The following PRKN variants were observed in gnomAD, a reference collection of about 807,000 sequenced individuals.
The protein encoded by PRKN is parkin RBR E3 ubiquitin protein ligase, also known as E3 ubiquitin-protein ligase parkin.
In PRKN, 56 loss-of-function variants were observed where a neutral mutation model predicts 59.5. That is an observed-to-expected ratio of 0.94 (90% CI 0.76 to 1.18). PRKN has a LOEUF of 1.18. PRKN is among the 50% of genes most tolerant of loss of function. The probability of loss-of-function intolerance (pLI) is 0.00; values close to 1 mark genes in which losing one functional copy is unlikely to be tolerated. For missense variants in PRKN, 657 were observed against 596.4 expected (o/e 1.10, Z -1.06); for synonymous variants, 250 against 222.1 (o/e 1.13, Z -1.12).
intron 4 of PRKN, among the ~76,000 whole-genome samples, chr6:162,060,412 C>T (rs1391186508): frequency 1.3e-5 from 2 of 152,080 alleles, no homozygotes; most frequent in Admixed American, 6.6e-5. Flanking sequence ...TATAGAAAAG[C>T]GTGAAGCAAA....
At chr6:162,395,725 T>G (rs564983832) in intron 2 of PRKN, among the ~76,000 whole-genome samples, 35 of 152,198 alleles carry the variant, frequency 2.3e-4, no homozygotes, top group African/African-American at 7.7e-4. Context: ...TTACTCCAGA[T>G]GCCCACTGTC....
intron 2 of PRKN, among the ~76,000 whole-genome samples, chr6:162,267,423 A>C (rs78590835): frequency 0.06 from 9,153 of 152,132 alleles, 339 homozygotes; most frequent in African/African-American, 0.077. Flanking sequence ...CCTAGTATAC[A>C]AAAAAATTCC....
intron 4 of PRKN, among the ~76,000 whole-genome samples, chr6:162,138,340 A>G (rs943063990): frequency 1.3e-5 from 2 of 152,198 alleles, no homozygotes; most frequent in Non-Finnish European, 2.9e-5. Flanking sequence ...TAAATTACCC[A>G]TAGCATTATG....
At chr6:162,509,118 A>G (rs976091723) in intron 1 of PRKN, among the ~76,000 whole-genome samples, 7 of 152,222 alleles carry the variant, frequency 4.6e-5, no homozygotes, top group Non-Finnish European at 7.3e-5. Flanking sequence ...AATAACAAAT[A>G]AAATTTAACC....
chr6:162,239,924 TCA>T (rs1220519429), intron 3 of PRKN, among the ~76,000 whole-genome samples: 1 of 152,182 alleles, frequency 6.6e-6, no homozygotes, highest in Non-Finnish European at 1.5e-5. Context: ...GATGTTGGCT[TCA>T]GTCTGTGTTC....
chr6:162,716,776 A>G (rs1019730618), intron 1 of PRKN, among the ~76,000 whole-genome samples: 5 of 130,558 alleles, frequency 3.8e-5, no homozygotes, highest in Non-Finnish European at 7.8e-5. Context: ...GCGCACGCAC[A>G]CACACACGCG....
intron 1 of PRKN, among the ~76,000 whole-genome samples, chr6:162,720,915 C>T (rs919041129): frequency 6.6e-6 from 1 of 152,136 alleles, no homozygotes; most frequent in Non-Finnish European, 1.5e-5. Flanking sequence ...TCATGTTCCA[C>T]ATATCAAAGA....
intron 1 of PRKN, among the ~76,000 whole-genome samples, chr6:162,708,439 C>T (rs1778410574): frequency 6.6e-6 from 1 of 152,074 alleles, no homozygotes; most frequent in Non-Finnish European, 1.5e-5. Context: ...TGCAGAAAAG[C>T]AAACATAGCA....
chr6:161,495,482 C>T (rs527768687), intron 9 of PRKN, among the ~76,000 whole-genome samples: 1 of 152,376 alleles, frequency 6.6e-6, no homozygotes, highest in Admixed American at 6.5e-5. Flanking sequence ...TCCCATGTGA[C>T]TGGATCTGGC....
At chr6:161,939,290 T>C (rs1026956149) in intron 6 of PRKN, among the ~76,000 whole-genome samples, 5 of 151,688 alleles carry the variant, frequency 3.3e-5, no homozygotes, top group Admixed American at 3.3e-4. Flanking sequence ...TGGTGGTGCA[T>C]GCCCATAATC....
intron 4 of PRKN, among the ~76,000 whole-genome samples, chr6:162,128,296 G>A (rs1188213601): frequency 2.0e-5 from 3 of 152,152 alleles, no homozygotes; most frequent in Non-Finnish European, 4.4e-5. Context: ...AGTCATCATA[G>A]TAAATCACTA....
At chr6:162,079,153 C>T (rs2128293143) in intron 4 of PRKN, among the ~76,000 whole-genome samples, 1 of 152,152 alleles carries the variant, frequency 6.6e-6, no homozygotes, top group East Asian at 1.9e-4. Flanking sequence ...CTCCACAGCC[C>T]CTGACAGCAT....
intron 6 of PRKN, among the ~76,000 whole-genome samples, chr6:161,861,696 T>C (rs1051382817): frequency 1.3e-5 from 2 of 151,638 alleles, no homozygotes; most frequent in Non-Finnish European, 2.9e-5. Flanking sequence ...CCCCAAATCC[T>C]ACCAACTGTC....
intron 4 of PRKN, among the ~76,000 whole-genome samples, chr6:162,114,497 C>G (rs1428321257): frequency 6.6e-6 from 1 of 151,812 alleles, no homozygotes; most frequent in Admixed American, 6.6e-5. Flanking sequence ...GGAGTTCACT[C>G]ATGATTTGGC....
At chr6:161,620,253 C>T (rs1410056129) in intron 7 of PRKN, among the ~76,000 whole-genome samples, 12 of 151,466 alleles carry the variant, frequency 7.9e-5, no homozygotes, top group African/African-American at 2.7e-4. Context: ...CCGCCCGCCT[C>T]GGCCTCCCAA....
intron 7 of PRKN, among the ~76,000 whole-genome samples, chr6:161,766,788 G>C (rs1464218802): frequency 6.6e-6 from 1 of 152,118 alleles, no homozygotes; most frequent in African/African-American, 2.4e-5. Context: ...ACTTGGTTTA[G>C]GGGCCAGCAG....
At chr6:161,374,256 G>A (rs1318287493) in intron 10 of PRKN, among the ~76,000 whole-genome samples, 5 of 151,538 alleles carry the variant, frequency 3.3e-5, no homozygotes, top group Admixed American at 3.3e-4. Flanking sequence ...TGCGTATGCT[G>A]TATGTGCAGT....
chr6:161,535,514 C>G (rs1244971021), intron 9 of PRKN, among the ~76,000 whole-genome samples: 1 of 152,190 alleles, frequency 6.6e-6, no homozygotes, highest in East Asian at 1.9e-4. Flanking sequence ...TTTGTCCGCT[C>G]ATCATCCATT....
chr6:162,009,678 G>A (rs1297127333), intron 5 of PRKN, among the ~76,000 whole-genome samples: 2 of 151,906 alleles, frequency 1.3e-5, no homozygotes, highest in Non-Finnish European at 2.9e-5. Context: ...GCTCATGCCT[G>A]TAATCCCAGC....
Sources: allele counts gnomAD v4.1 joint callset (sites outside exome capture counted in the v4.1 genomes callset), GRCh38; gene constraint gnomAD v4.1.1; transcripts MANE v1.5; gene names NCBI Gene and HGNC (gene_info 2026-07-23, HGNC 2026-07-21).